Variants in NEURL1 observed in about 807,000 individuals in gnomAD.
NEURL1 encodes the protein E3 ubiquitin-protein ligase NEURL1.
Under a neutral mutation model 41.2 loss-of-function variants are expected in NEURL1, and 26 were observed. The ratio of observed to expected loss-of-function variants is 0.63; its 90% confidence interval spans 0.46 to 0.87. The LOEUF (loss-of-function observed/expected upper bound fraction) is 0.87. Among genes scored for constraint, NEURL1 ranks in the 40% least tolerant of loss-of-function variants. NEURL1 has a pLI of 0.00. For synonymous variants in NEURL1, 400 were observed against 402.3 expected (o/e 0.99, Z 0.07); for missense variants, 761 against 871.1 (o/e 0.87, Z 1.59).
At chr10:103,555,113 G>A (rs1165610910) in intron 1 of NEURL1, 1 of 157,496 alleles carries the variant, frequency 6.3e-6, no homozygotes, top group Non-Finnish European at 1.4e-5. Context: ...GGGGAGGCTG[G>A]AGTGGGTGGG....
intron 1 of NEURL1, chr10:103,555,231 T>TGGGGGCGCGG: frequency 2.7e-6 from 2 of 735,674 alleles, no homozygotes; most frequent in Non-Finnish European, 3.1e-6. Context: ...TGGGGGCGCG[T>TGGGGGCGCGG]GGGGGCGCGG....
rs1357305598 is a variant in NEURL1, at chr10:103,556,740, CA to C, written c.86-14131del. ...GAAGACACATAATCCGGAGCCAGGC[CA>C]GGGGCACTGCCAGTGGCCTGGGCCT... On this transcript the variant is annotated intron_variant, in intron 1 of 5. Transcript: ENST00000369780. The surrounding 1 kb of genome is among the most constrained non-coding windows in gnomAD (Gnocchi z 4.4). Among the ~76,000 whole-genome samples, 2 of 152,216 alleles carry C rather than the reference CA, an allele frequency of 1.3e-5. No homozygotes were observed. The highest frequency in any genetic ancestry group is 2.9e-5 in the Non-Finnish European group (2 of 68,034).
intron 1 of NEURL1, among the ~76,000 whole-genome samples, chr10:103,518,540 T>C (rs1436824839): frequency 6.6e-6 from 1 of 152,162 alleles, no homozygotes; most frequent in Non-Finnish European, 1.5e-5. Flanking sequence ...GGATGTCAGA[T>C]GATGAAAAAT....
At position 103,588,030 on chromosome 10, in the gene NEURL1, C is replaced by T. The variant is rs116759293; in HGVS notation, c.1340-1484C>T. On this transcript the variant is annotated intron_variant, in intron 4 of 5. Coordinates refer to ENST00000369780, the MANE Select transcript of NEURL1 (RefSeq NM_004210.5). ...GTTCTAAGAAAGCTCATGGGCTGGG[C>T]GCGGCGGCTCACACCTGTAATCTCA... 8.2e-3 allele frequency among the ~76,000 whole-genome samples: 1,242 copies of T among 152,094 alleles called. 17 individuals are homozygous for T. The highest frequency in any genetic ancestry group is 0.028 in the African/African-American group (1,154 of 41,478).
intron 1 of NEURL1, among the ~76,000 whole-genome samples, chr10:103,559,123 T>A (rs1221122512): frequency 6.6e-6 from 1 of 152,144 alleles, no homozygotes; most frequent in East Asian, 1.9e-4. Context: ...CACTTACCGT[T>A]CTTGGGTTCC....
In NEURL1 at chr10:103,571,765, G is replaced by A. The variant is rs749490962; in HGVS notation, c.592G>A (p.Asp198Asn). Residue 198 changes from aspartate to asparagine, a missense_variant, in exon 3 of 6, where the codon GAC becomes AAC. Asp to Asn is a conservative substitution (Grantham distance 23). This residue lies in a region of NEURL1 where 114 missense variants were observed against 144.8 expected (regional missense o/e 0.79). Coordinates refer to ENST00000369780, the MANE Select transcript of NEURL1 (RefSeq NM_004210.5). Reference protein sequence around the residue: ...MLFFSGVRTADPLWALVDVYG... With the variant: ...MLFFSGVRTANPLWALVDVYG... Reference sequence around the variant, plus strand: ...GTTCTTCAGCGGGGTCCGCACGGCCGACCCGCTCTGGGCCCTGGTGGACGT... The same window carrying A: ...GTTCTTCAGCGGGGTCCGCACGGCCAACCCGCTCTGGGCCCTGGTGGACGT... 2.2e-5 allele frequency: 36 copies of A among 1,613,584 alleles called. No individual in the cohort carries two copies. The Admixed American group carries it at 4.8e-4, about 22-fold the overall frequency.
chr10:103,517,964 T>A (rs1250719511), intron 1 of NEURL1, among the ~76,000 whole-genome samples: 2 of 152,208 alleles, frequency 1.3e-5, no homozygotes, highest in Non-Finnish European at 1.5e-5. Flanking sequence ...TGGCATCCAA[T>A]GAACACATCT....
intron 3 of NEURL1, among the ~76,000 whole-genome samples, chr10:103,578,926 G>C (rs1463595530): frequency 1.3e-5 from 2 of 152,230 alleles, no homozygotes; most frequent in East Asian, 3.9e-4. Flanking sequence ...CTCCCAAACA[G>C]GGGCCAGCAG....
intron 1 of NEURL1, among the ~76,000 whole-genome samples, chr10:103,521,029 T>G (rs2034337739): frequency 6.6e-6 from 1 of 152,146 alleles, no homozygotes; most frequent in Non-Finnish European, 1.5e-5. Flanking sequence ...AGGGGTTCAG[T>G]GTAATTACTT....
intron 1 of NEURL1, among the ~76,000 whole-genome samples, chr10:103,565,297 GTGA>G (rs1465329898): frequency 1.3e-5 from 2 of 152,220 alleles, no homozygotes; most frequent in African/African-American, 4.8e-5. Flanking sequence ...GGCTCAGTGG[GTGA>G]TGATCACACA....
intron 1 of NEURL1, among the ~76,000 whole-genome samples, chr10:103,505,968 A>T (rs2033937180): frequency 6.6e-6 from 1 of 151,998 alleles, no homozygotes; most frequent in Non-Finnish European, 1.5e-5. Context: ...GGGACAGGGG[A>T]GGAGGAGGAG....
chr10:103,516,227 C>CA (rs59180957), intron 1 of NEURL1, among the ~76,000 whole-genome samples: 3,881 of 59,168 alleles, frequency 0.066, 403 homozygotes, highest in African/African-American at 0.22. Flanking sequence ...GACCCCATCT[C>CA]AAAAAAAAAA....
At chr10:103,513,503 AC>A (rs1209783397) in intron 1 of NEURL1, among the ~76,000 whole-genome samples, 1 of 152,094 alleles carries the variant, frequency 6.6e-6, no homozygotes, top group Non-Finnish European at 1.5e-5. Flanking sequence ...GCCCTGGGAT[AC>A]CTCAGCCCCT....
intron 1 of NEURL1, among the ~76,000 whole-genome samples, chr10:103,519,251 A>AAAAG (rs149479157): frequency 0.026 from 3,916 of 152,092 alleles, 167 homozygotes; most frequent in African/African-American, 0.088. Flanking sequence ...TGTCTCAAAA[A>AAAAG]AAAGAAAGAA....
intron 3 of NEURL1, among the ~76,000 whole-genome samples, chr10:103,575,557 G>A (rs963664098): frequency 1.3e-5 from 2 of 152,230 alleles, no homozygotes; most frequent in Non-Finnish European, 2.9e-5. Flanking sequence ...GATGGGTTGT[G>A]TCCCCAGACA....
At chr10:103,522,959 T>G (rs2034386915) in intron 1 of NEURL1, among the ~76,000 whole-genome samples, 1 of 152,156 alleles carries the variant, frequency 6.6e-6, no homozygotes, top group African/African-American at 2.4e-5. Context: ...TTGTCTTGCC[T>G]GTATATAATT....
chr10:103,497,759 G>T (rs531005365), intron 1 of NEURL1, among the ~76,000 whole-genome samples: 89 of 152,306 alleles, frequency 5.8e-4, no homozygotes, highest in African/African-American at 2.1e-3. Context: ...GAGCTCCCAT[G>T]TGCCCAGCTC....
chr10:103,513,221 C>T (rs1241779931), intron 1 of NEURL1, among the ~76,000 whole-genome samples: 1 of 152,256 alleles, frequency 6.6e-6, no homozygotes, highest in Non-Finnish European at 1.5e-5. Flanking sequence ...CTCCCTTGCC[C>T]CAGTGCTCCA....
intron 1 of NEURL1, among the ~76,000 whole-genome samples, chr10:103,520,013 G>A (rs2034310604): frequency 1.3e-5 from 2 of 151,994 alleles, no homozygotes; most frequent in African/African-American, 4.8e-5. Flanking sequence ...CACACTCCTA[G>A]CCTCAAGCAA....
Sources: gnomAD v4.1 joint callset for allele counts (sites outside exome capture counted in the v4.1 genomes callset) on GRCh38, gnomAD v4.1.1 for gene constraint, gnomAD v4.1.1 regional missense constraint, Gnocchi (gnomAD v3.1) non-coding constraint, MANE v1.5 for transcripts, NCBI Gene and HGNC (gene_info 2026-07-23, HGNC 2026-07-21) for gene names.